The following SH3BGRL variants were observed in gnomAD, a reference collection of about 807,000 sequenced individuals.
The protein encoded by SH3BGRL is SH3 domain binding glutamate rich protein like.
Under a neutral mutation model 9.8 loss-of-function variants are expected in SH3BGRL, and 7 were observed. The ratio of observed to expected loss-of-function variants is 0.72; its 90% confidence interval spans 0.41 to 1.35. The LOEUF is 1.35. Among genes scored for constraint, SH3BGRL ranks in the 40% most tolerant of loss-of-function variants. The pLI, the probability that SH3BGRL is intolerant of heterozygous loss-of-function variation, is 0.01. For missense variants in SH3BGRL, 73 were observed against 84.4 expected (o/e 0.86, Z 0.53); for synonymous variants, 36 against 29.1 (o/e 1.24, Z -0.76).
chrX:81,232,262 T>G, intron 1 of SH3BGRL, among the ~76,000 whole-genome samples: 1 of 111,245 alleles, frequency 9.0e-6, no homozygotes, highest in Non-Finnish European at 1.9e-5. Flanking sequence ...TCTCTGAAAT[T>G]TAGATCATAA....
intron 3 of SH3BGRL, among the ~76,000 whole-genome samples, chrX:81,287,353 A>G (rs755448358): frequency 8.9e-6 from 1 of 112,122 alleles, no homozygotes; most frequent in South Asian, 3.7e-4. Flanking sequence ...ATTATATGCC[A>G]ATAAATTGGA....
chrX:81,291,152 T>G (rs1181782445), intron 3 of SH3BGRL, among the ~76,000 whole-genome samples: 2 of 112,044 alleles, frequency 1.8e-5, no homozygotes, highest in Non-Finnish European at 3.8e-5. Flanking sequence ...TAGGGACTTT[T>G]CCTTTTTTGA....
chrX:81,295,998 G>A lies in SH3BGRL; in HGVS notation c.313-1197G>A, dbSNP rs905726753. Among the ~76,000 whole-genome samples the A allele has an allele frequency of 4.5e-5, 5 of 111,166 alleles. No individual in the cohort carries two copies. In the Admixed American group the frequency reaches 4.8e-4, roughly 11 times the overall value. On this transcript the variant is annotated intron_variant, in intron 3 of 3. Transcript: ENST00000373212. ...TTATGTATTAGTTCATTCTTACACT[G>A]CTATAAAGAACTTTTTGAGATTGGA...
intron 1 of SH3BGRL, among the ~76,000 whole-genome samples, chrX:81,228,251 A>G (rs1044895733): frequency 8.9e-6 from 1 of 111,842 alleles, no homozygotes; most frequent in Non-Finnish European, 1.9e-5. Flanking sequence ...TTTTAGGTAG[A>G]CATAAGACAC....
chrX:81,269,089 T>G (rs2075767828), intron 1 of SH3BGRL, among the ~76,000 whole-genome samples: 1 of 111,594 alleles, frequency 9.0e-6, no homozygotes, highest in Middle Eastern at 4.7e-3. Context: ...CTCTATCCCT[T>G]TATTTTGGGC....
chrX:81,262,688 A>G (rs1722960565), intron 1 of SH3BGRL, among the ~76,000 whole-genome samples: 1 of 112,260 alleles, frequency 8.9e-6, no homozygotes, highest in South Asian at 3.7e-4. Flanking sequence ...TGACAGATGT[A>G]CCACTATGAG....
At chrX:81,271,813 G>A (rs1173368211) in intron 1 of SH3BGRL, among the ~76,000 whole-genome samples, 3 of 110,837 alleles carry the variant, frequency 2.7e-5, no homozygotes, top group Non-Finnish European at 5.7e-5. Flanking sequence ...GTTGCATTGT[G>A]ATCAAACCAC....
chrX:81,265,981 T>C (rs2075755907), intron 1 of SH3BGRL, among the ~76,000 whole-genome samples: 1 of 112,662 alleles, frequency 8.9e-6, no homozygotes, highest in Admixed American at 9.3e-5. Context: ...GTTTGTTGGC[T>C]GCATAAATGT....
intron 3 of SH3BGRL, among the ~76,000 whole-genome samples, chrX:81,296,346 T>C (rs1409734710): frequency 8.9e-6 from 1 of 111,911 alleles, no homozygotes; most frequent in Non-Finnish European, 1.9e-5. Context: ...AATGAGTCAG[T>C]AGTATATTTC....
At chrX:81,232,224 A>G (rs977162089) in intron 1 of SH3BGRL, among the ~76,000 whole-genome samples, 1 of 111,612 alleles carries the variant, frequency 9.0e-6, no homozygotes, top group Non-Finnish European at 1.9e-5. Flanking sequence ...TTTACTATGC[A>G]TAGCATCTAA....
intron 3 of SH3BGRL, among the ~76,000 whole-genome samples, chrX:81,296,575 C>T (rs1258477920): frequency 1.8e-5 from 2 of 111,030 alleles, no homozygotes; most frequent in Admixed American, 9.6e-5. Context: ...TTGTCTACCA[C>T]GCTTGATTTC....
At chrX:81,257,715 C>T (rs763258274) in intron 1 of SH3BGRL, among the ~76,000 whole-genome samples, 1 of 110,992 alleles carries the variant, frequency 9.0e-6, no homozygotes, top group East Asian at 2.8e-4. Context: ...TTGCCAAATT[C>T]TATTGGTTGG....
intron 1 of SH3BGRL, among the ~76,000 whole-genome samples, chrX:81,250,064 C>G (rs186553004): frequency 0.01 from 1,079 of 107,389 alleles, 8 homozygotes; most frequent in Non-Finnish European, 0.016. Context: ...AGCATCTTGT[C>G]TCCATGTTCT....
At chrX:81,214,088 G>A (rs1009895438) in intron 1 of SH3BGRL, among the ~76,000 whole-genome samples, 5 of 112,359 alleles carry the variant, frequency 4.5e-5, no homozygotes, top group African/African-American at 1.3e-4. Flanking sequence ...GAAACACGTG[G>A]ATTCATTAGG....
intron 3 of SH3BGRL, among the ~76,000 whole-genome samples, chrX:81,291,531 C>T (rs145740665): frequency 0.02 from 2,238 of 111,726 alleles, 49 homozygotes; most frequent in African/African-American, 0.069. Flanking sequence ...GGATGCAGAG[C>T]TGAACCATAT....
intron 3 of SH3BGRL, among the ~76,000 whole-genome samples, chrX:81,287,523 T>A (rs963074001): frequency 8.9e-5 from 10 of 111,809 alleles, no homozygotes; most frequent in Admixed American, 5.7e-4. Context: ...ATGGCTTCAC[T>A]GCTGAATTTT....
intron 1 of SH3BGRL, among the ~76,000 whole-genome samples, chrX:81,271,622 G>T (rs928695129): frequency 1.8e-5 from 2 of 111,176 alleles, no homozygotes; most frequent in African/African-American, 6.6e-5. Context: ...ACGTCTGATT[G>T]GTGTACCTGA....
At chrX:81,261,608 C>A (rs372507944) in intron 1 of SH3BGRL, among the ~76,000 whole-genome samples, 1 of 111,436 alleles carries the variant, frequency 9.0e-6, no homozygotes, top group East Asian at 2.8e-4. Context: ...CAGATGCTAT[C>A]TCTTTACCAT....
intron 1 of SH3BGRL, among the ~76,000 whole-genome samples, chrX:81,267,727 G>A (rs1298487070): frequency 8.9e-6 from 1 of 111,867 alleles, no homozygotes; most frequent in African/African-American, 3.3e-5. Context: ...CTCATAAAAT[G>A]AGTCAGGTAG....
Sources: gnomAD v4.1 joint callset for allele counts (sites outside exome capture counted in the v4.1 genomes callset) on GRCh38, gnomAD v4.1.1 for gene constraint, MANE v1.5 for transcripts, NCBI Gene and HGNC (gene_info 2026-07-23, HGNC 2026-07-21) for gene names.